The following NTM variants were observed in gnomAD, a reference collection of about 807,000 sequenced individuals.
NTM encodes the protein IgLON family member 2.
A neutral mutation model predicts 42.1 loss-of-function variants in NTM; 13 were observed. The ratio of observed to expected loss-of-function variants is 0.31; its 90% CI spans 0.20 to 0.49. The LOEUF (loss-of-function observed/expected upper bound fraction) is 0.49. NTM is among the 20% of genes least tolerant of loss of function. The probability of loss-of-function intolerance (pLI) is 0.99; values close to 1 mark genes in which losing one functional copy is unlikely to be tolerated. For synonymous variants in NTM, 187 were observed against 179.2 expected, an observed-to-expected ratio of 1.04 and a Z score of -0.35; for missense variants, 373 against 452.8, an observed-to-expected ratio of 0.82 and a Z score of 1.60.
chr11:131,494,746 T>G (rs1955157059), intron 1 of NTM, among the ~76,000 whole-genome samples: 1 of 152,246 alleles, frequency 6.6e-6, no homozygotes, highest in Non-Finnish European at 1.5e-5. Context: ...CTAGCCAACT[T>G]GACCTGAGTC....
intron 2 of NTM, among the ~76,000 whole-genome samples, chr11:131,946,681 A>T (rs750259172): frequency 1.3e-5 from 2 of 152,202 alleles, no homozygotes; most frequent in African/African-American, 2.4e-5. Context: ...CACAAATGAA[A>T]TATGTTCCAT....
chr11:131,534,758 G>A (rs2051876163), intron 1 of NTM: 1 of 152,214 alleles, frequency 6.6e-6, no homozygotes, highest in African/African-American at 2.4e-5. Context: ...TTGCTGAAGT[G>A]GTTGTACTGT....
chr11:131,446,293 C>A (rs1036595737), intron 1 of NTM, among the ~76,000 whole-genome samples: 4 of 152,140 alleles, frequency 2.6e-5, no homozygotes, highest in Non-Finnish European at 5.9e-5. Flanking sequence ...TTCCCAGGCC[C>A]GGCTCAGCCT....
intron 3 of NTM, among the ~76,000 whole-genome samples, chr11:132,147,379 A>G (rs10894514): frequency 0.21 from 31,287 of 151,972 alleles, 3,319 homozygotes; most frequent in South Asian, 0.24. Context: ...AGCTGGCATC[A>G]CACTTGGCCA....
intron 2 of NTM, among the ~76,000 whole-genome samples, chr11:132,134,191 G>A (rs1044989526): frequency 1.3e-5 from 2 of 152,028 alleles, no homozygotes; most frequent in Non-Finnish European, 2.9e-5. Context: ...TCAAAATGCT[G>A]GGATTACAGG....
chr11:132,196,882 C>T (rs2080308462), intron 3 of NTM, among the ~76,000 whole-genome samples: 1 of 152,108 alleles, frequency 6.6e-6, no homozygotes, highest in Admixed American at 6.6e-5. Context: ...CATGTAAACT[C>T]ACAATTTACC....
intron 1 of NTM, among the ~76,000 whole-genome samples, chr11:131,609,521 C>G (rs2061300900): frequency 6.6e-6 from 1 of 152,186 alleles, no homozygotes; most frequent in Non-Finnish European, 1.5e-5. Context: ...CTGACTGTGA[C>G]TCAGTCTGGG....
chr11:131,645,124 A>G (rs1400571667), intron 1 of NTM, among the ~76,000 whole-genome samples: 1 of 152,164 alleles, frequency 6.6e-6, no homozygotes, highest in Non-Finnish European at 1.5e-5. Context: ...AGTATACCTC[A>G]CAATAATCAC....
At chr11:132,196,538 C>G (rs1592155526) in intron 3 of NTM, among the ~76,000 whole-genome samples, 2 of 152,222 alleles carry the variant, frequency 1.3e-5, no homozygotes, top group Middle Eastern at 6.8e-3. Flanking sequence ...ATGGAATCAG[C>G]CTATATGCCC....
chr11:131,683,464 A>G (rs553613347), intron 1 of NTM, among the ~76,000 whole-genome samples: 1 of 152,354 alleles, frequency 6.6e-6, no homozygotes, highest in East Asian at 1.9e-4. Context: ...GAATCTGACC[A>G]GGTTGATGCC....
chr11:131,772,289 C>T (rs1269641836), intron 1 of NTM, among the ~76,000 whole-genome samples: 2 of 152,152 alleles, frequency 1.3e-5, no homozygotes, highest in Non-Finnish European at 2.9e-5. Flanking sequence ...ATCCGCCTAC[C>T]CCTGTATACA....
intron 2 of NTM, 111 bp downstream of exon 2, chr11:131,911,759 G>C: frequency 3.0e-6 from 4 of 1,349,868 alleles, no homozygotes; most frequent in Non-Finnish European, 4.1e-6. Context: ...AGAGGTCGCT[G>C]GTTCCCTGGG....
intron 7 of NTM, among the ~76,000 whole-genome samples, chr11:132,327,344 G>T (rs1396184663): frequency 2.0e-5 from 3 of 152,154 alleles, no homozygotes. Context: ...ACCTCAAAGT[G>T]ACCATCAAAG....
intron 1 of NTM, among the ~76,000 whole-genome samples, chr11:131,431,584 G>C (rs1173279525): frequency 6.6e-6 from 1 of 152,190 alleles, no homozygotes; most frequent in Non-Finnish European, 1.5e-5. Context: ...GGGCAGCAGA[G>C]ACTCTCGTGC....
intron 1 of NTM, among the ~76,000 whole-genome samples, chr11:131,852,869 TCCACCCATCCGTCCATCCATCCATCCAC>T (rs1565630968): frequency 4.7e-5 from 7 of 149,848 alleles, no homozygotes; most frequent in Non-Finnish European, 1.0e-4. Flanking sequence ...TATCCATCCA[TCCACCCATCCGTCCATCCATCCATCCAC>T]CCACCCATCC....
chr11:131,951,852 T>C (rs1593133294), intron 2 of NTM, among the ~76,000 whole-genome samples: 1 of 141,270 alleles, frequency 7.1e-6, no homozygotes, highest in African/African-American at 2.6e-5. Flanking sequence ...AAGCCCAACG[T>C]CCATCCACTA....
intron 1 of NTM, among the ~76,000 whole-genome samples, chr11:131,515,428 TCACCTGCAGCAGCAA>T (rs1455120787): frequency 6.6e-6 from 1 of 152,152 alleles, no homozygotes; most frequent in Non-Finnish European, 1.5e-5. Flanking sequence ...GAGCAGTTAA[TCACCTGCAGCAGCAA>T]CTTGGTGCTC....
intron 3 of NTM, among the ~76,000 whole-genome samples, chr11:132,163,302 CT>C (rs1425632201): frequency 6.6e-6 from 1 of 152,198 alleles, no homozygotes; most frequent in Admixed American, 6.5e-5. Flanking sequence ...TCGGGTGCCC[CT>C]AGCTAGTCTA....
intron 1 of NTM, among the ~76,000 whole-genome samples, chr11:131,837,522 C>G (rs528599701): frequency 6.6e-6 from 1 of 152,126 alleles, no homozygotes. Flanking sequence ...ATTGAGAACC[C>G]CTTTTCTACT....
Sources: gnomAD v4.1 joint callset for allele counts (sites outside exome capture counted in the v4.1 genomes callset) on GRCh38, gnomAD v4.1.1 for gene constraint, MANE v1.5 for transcripts, NCBI Gene and HGNC (gene_info 2026-07-23, HGNC 2026-07-21) for gene names.